NTN1: variants seen among roughly 807,000 people sequenced by gnomAD.
The protein encoded by NTN1 is netrin 1.
In NTN1, 11 loss-of-function variants were observed where a neutral mutation model predicts 54.2. That is an observed-to-expected ratio of 0.20 (90% CI 0.13 to 0.34). NTN1 has a LOEUF of 0.34. Ranked by LOEUF, NTN1 falls within the 10% of genes least tolerant of loss-of-function variation. NTN1 has a pLI of 1.00. For synonymous variants in NTN1, 371 were observed against 382.0 expected (o/e 0.97, Z 0.33); for missense variants, 740 against 893.1 (o/e 0.83, Z 2.18).
At chr17:9,115,457 C>T (rs575105626) in intron 2 of NTN1, among the ~76,000 whole-genome samples, 12 of 152,332 alleles carry the variant, frequency 7.9e-5, no homozygotes, top group African/African-American at 2.6e-4. Flanking sequence ...AAGAGAAAGC[C>T]GGGCTCCTGG....
chr17:9,099,034 T>C (rs1471958621), intron 2 of NTN1, among the ~76,000 whole-genome samples: 1 of 152,236 alleles, frequency 6.6e-6, no homozygotes, highest in African/African-American at 2.4e-5. Flanking sequence ...TGCATATTGT[T>C]TTGTAACCTG....
chr17:9,225,393 G>A (rs1051690605), intron 6 of NTN1, among the ~76,000 whole-genome samples: 5 of 152,214 alleles, frequency 3.3e-5, no homozygotes, highest in East Asian at 3.9e-4. Context: ...GGAGCCCTGC[G>A]GGGTGGGGTG....
chr17:9,225,481 T>A (rs757189209), intron 6 of NTN1, among the ~76,000 whole-genome samples: 22 of 151,878 alleles, frequency 1.4e-4, no homozygotes, highest in Non-Finnish European at 3.1e-4. Context: ...CTGAGGACAA[T>A]GCCAGGCCCA....
chr17:9,196,872 T>C (rs2142333122), intron 5 of NTN1, among the ~76,000 whole-genome samples: 1 of 152,290 alleles, frequency 6.6e-6, no homozygotes. Context: ...CTTGGTGGTG[T>C]TGGAGCCGGC....
chr17:9,133,420 GC>G (rs1210461927), intron 2 of NTN1, among the ~76,000 whole-genome samples: 1 of 152,206 alleles, frequency 6.6e-6, no homozygotes, highest in Non-Finnish European at 1.5e-5. Flanking sequence ...TTGCTCCCAG[GC>G]GACTTGCTGT....
At chr17:9,144,674 C>T (rs569661572) in intron 2 of NTN1, among the ~76,000 whole-genome samples, 20 of 152,318 alleles carry the variant, frequency 1.3e-4, no homozygotes, top group African/African-American at 4.3e-4. Flanking sequence ...TGGCGCAGGC[C>T]GCATAGGTGG....
At chr17:9,021,893 T>G (rs2091849582) in intron 1 of NTN1, among the ~76,000 whole-genome samples, 1 of 152,004 alleles carries the variant, frequency 6.6e-6, no homozygotes, top group African/African-American at 2.4e-5. Flanking sequence ...ACGCGGACTT[T>G]CCGGCGGGGA....
intron 5 of NTN1, among the ~76,000 whole-genome samples, chr17:9,198,883 C>T (rs1478847107): frequency 6.6e-6 from 1 of 152,170 alleles, no homozygotes; most frequent in Non-Finnish European, 1.5e-5. Flanking sequence ...CCGCTTTCAC[C>T]TACGAGGGAG....
the NTN1 span, among the ~76,000 whole-genome samples, chr17:9,012,549 A>AC: frequency 4.0e-5 from 6 of 151,326 alleles, no homozygotes; most frequent in African/African-American, 1.5e-4. Flanking sequence ...AAAAAAAAAA[A>AC]CAAGCTCTGT....
chr17:9,234,836 C>T (rs1597553946), intron 6 of NTN1, among the ~76,000 whole-genome samples: 1 of 152,250 alleles, frequency 6.6e-6, no homozygotes, highest in Non-Finnish European at 1.5e-5. Flanking sequence ...GCTCTGCTAA[C>T]ATCTGCCTCA....
intron 5 of NTN1, among the ~76,000 whole-genome samples, chr17:9,192,899 G>A (rs1221841973): frequency 1.3e-5 from 2 of 152,024 alleles, no homozygotes; most frequent in East Asian, 3.9e-4. Context: ...TGGCCAACAT[G>A]GTGAAACCCC....
At chr17:9,169,066 A>G (rs902293986) in intron 3 of NTN1, among the ~76,000 whole-genome samples, 1 of 152,212 alleles carries the variant, frequency 6.6e-6, no homozygotes, top group Non-Finnish European at 1.5e-5. Flanking sequence ...GTGTGGATGC[A>G]TCTTTTCCCT....
the NTN1 span, among the ~76,000 whole-genome samples, chr17:9,005,802 GC>G: frequency 6.6e-6 from 1 of 152,202 alleles, no homozygotes; most frequent in Admixed American, 6.5e-5. Flanking sequence ...TGTGCACCCA[GC>G]CAGATGAGGA....
chr17:9,137,715 A>C (rs2092285213), intron 2 of NTN1, among the ~76,000 whole-genome samples: 1 of 151,636 alleles, frequency 6.6e-6, no homozygotes, highest in Non-Finnish European at 1.5e-5. Context: ...AATCGCTTGA[A>C]CCTGGGAGGT....
In NTN1 at chr17:9,129,565, A is replaced by T. The variant is rs140878792; in HGVS notation, c.1019-33248A>T. ...AGGCTAAAGCTTCTGTGTATGTCAT[A>T]AGGAAAGTATAAATGAAATCAGGAA... On this transcript the variant is annotated intron_variant, in intron 2 of 6. Transcript: ENST00000173229. 4.6e-5 allele frequency among the ~76,000 whole-genome samples: 7 copies of T among 152,248 alleles called. No homozygotes were observed. The East Asian group carries it at 1.4e-3, about 29-fold the overall frequency.
At chr17:9,061,626 A>G (rs2091998590) in intron 2 of NTN1, among the ~76,000 whole-genome samples, 1 of 152,148 alleles carries the variant, frequency 6.6e-6, no homozygotes, top group Non-Finnish European at 1.5e-5. Flanking sequence ...TAGTCTGTCC[A>G]CATTTGGAGA....
intron 2 of NTN1, among the ~76,000 whole-genome samples, chr17:9,103,614 T>C (rs553150584): frequency 6.6e-6 from 1 of 152,262 alleles, no homozygotes; most frequent in East Asian, 1.9e-4. Flanking sequence ...CAATTAAGCG[T>C]CTTTCCTTTA....
intron 2 of NTN1, among the ~76,000 whole-genome samples, chr17:9,037,554 A>G (rs999816590): frequency 6.6e-6 from 1 of 152,234 alleles, no homozygotes; most frequent in Non-Finnish European, 1.5e-5. Flanking sequence ...TTAATTAATC[A>G]TCTTGAAAAT....
chr17:9,201,948 G>A (rs1198129078), intron 5 of NTN1, among the ~76,000 whole-genome samples: 1 of 148,792 alleles, frequency 6.7e-6, no homozygotes, highest in Admixed American at 6.7e-5. Context: ...AGCACTTTGG[G>A]AGGCCAAGGC....
Sources: allele counts gnomAD v4.1 joint callset (sites outside exome capture counted in the v4.1 genomes callset), GRCh38; gene constraint gnomAD v4.1.1; transcripts MANE v1.5; gene names NCBI Gene and HGNC (gene_info 2026-07-23, HGNC 2026-07-21).